Variants in NRXN3 observed in about 807,000 individuals in gnomAD.
NRXN3 encodes the protein neurexin 3.
A neutral mutation model predicts 137.6 loss-of-function variants in NRXN3; 32 were observed. That is an observed-to-expected ratio of 0.23 (90% confidence interval 0.18 to 0.31). NRXN3 has a LOEUF of 0.31. NRXN3 is among the 10% of genes least tolerant of loss of function. The pLI, the probability that NRXN3 is intolerant of heterozygous loss-of-function variation, is 1.00. For missense variants in NRXN3, 1,574 were observed against 2,062.5 expected (o/e 0.76, Z 4.59); for synonymous variants, 798 against 784.5 (o/e 1.02, Z -0.29).
rs949286649 is a variant in NRXN3, at chr14:79,347,508, G to A, written c.3263-119713G>A. On this transcript the variant is annotated intron_variant, in intron 15 of 20. Coordinates refer to ENST00000335750, the MANE Select transcript of NRXN3 (RefSeq NM_001330195.2). ...GTGATCTCGGCTCACTACTACCTCC[G>A]CCTCCTGGGTTCAAGCGATTCTCCT... Among the ~76,000 whole-genome samples the A allele has an allele frequency of 7.5e-5, 10 of 133,708 alleles. No homozygotes were observed. In the South Asian group the frequency reaches 1.4e-3, roughly 18 times the overall value. The allele number at this position is 133,708 out of a possible 152,430, so 87.7% of individuals were successfully genotyped here.
Position 78,784,179 on chromosome 14 carries a change from G to A in NRXN3, c.2045-19441G>A, listed in dbSNP as rs1261828373. Reference sequence around the variant, plus strand: ...TGCTCAGGGAGATAGGGGAATTGGGGAATACCTTTCTGAGAAGATGATAGT... The same window carrying A: ...TGCTCAGGGAGATAGGGGAATTGGGAAATACCTTTCTGAGAAGATGATAGT... On this transcript the variant is annotated intron_variant, in intron 8 of 20. Transcript: ENST00000335750. Among the ~76,000 whole-genome samples, 3 of 152,090 alleles carry A rather than the reference G, an allele frequency of 2.0e-5. No homozygotes were observed. In the South Asian group the frequency reaches 6.2e-4, roughly 32 times the overall value.
At chr14:78,303,755 C>T (rs747522939) in intron 4 of NRXN3, among the ~76,000 whole-genome samples, 8 of 152,228 alleles carry the variant, frequency 5.3e-5, no homozygotes, top group Non-Finnish European at 1.2e-4. Flanking sequence ...CATGCTTCTC[C>T]CTCTTATCCT....
chr14:78,712,656 G>A (rs1356683276), intron 7 of NRXN3, among the ~76,000 whole-genome samples: 2 of 152,120 alleles, frequency 1.3e-5, no homozygotes, highest in African/African-American at 2.4e-5. Flanking sequence ...CCCACCTCCC[G>A]GGTCCAAGGA....
intron 15 of NRXN3, among the ~76,000 whole-genome samples, chr14:79,240,399 T>C (rs2074088709): frequency 6.6e-6 from 1 of 152,120 alleles, no homozygotes; most frequent in Non-Finnish European, 1.5e-5. Context: ...CGCTCACTAA[T>C]TCACCCTGGA....
intron 4 of NRXN3, among the ~76,000 whole-genome samples, chr14:78,429,058 T>G (rs890452139): frequency 6.6e-6 from 1 of 151,842 alleles, no homozygotes; most frequent in Non-Finnish European, 1.5e-5. Context: ...AACCCCAACC[T>G]CAGACCAATA....
chr14:79,376,337 A>G (rs942763118), intron 15 of NRXN3, among the ~76,000 whole-genome samples: 2 of 148,002 alleles, frequency 1.4e-5, no homozygotes, highest in African/African-American at 5.0e-5. Flanking sequence ...TTACCTCCCC[A>G]ATGTATATAT....
intron 15 of NRXN3, among the ~76,000 whole-genome samples, chr14:79,071,800 A>T (rs73322871): frequency 6.6e-6 from 1 of 152,254 alleles, no homozygotes; most frequent in African/African-American, 2.4e-5. Context: ...TTCATTGCAC[A>T]TGTCAAAATA....
At chr14:79,666,670 A>G (rs922135518) in intron 17 of NRXN3, among the ~76,000 whole-genome samples, 8 of 152,080 alleles carry the variant, frequency 5.3e-5, no homozygotes, top group Non-Finnish European at 8.8e-5. Flanking sequence ...GCATAGCTAG[A>G]AATGAGTATT....
intron 19 of NRXN3, among the ~76,000 whole-genome samples, chr14:79,765,973 G>C (rs2099054711): frequency 6.6e-6 from 1 of 152,088 alleles, no homozygotes; most frequent in African/African-American, 2.4e-5. Flanking sequence ...GATGTTTCCA[G>C]TATAAAGTAG....
At chr14:79,616,288 GA>G (rs559411711) in intron 16 of NRXN3, among the ~76,000 whole-genome samples, 5 of 152,248 alleles carry the variant, frequency 3.3e-5, no homozygotes, top group African/African-American at 1.2e-4. Context: ...CTGGAGTGAA[GA>G]AGAGAGGATA....
intron 15 of NRXN3, among the ~76,000 whole-genome samples, chr14:79,347,255 T>A (rs1033589298): frequency 2.0e-5 from 3 of 152,270 alleles, no homozygotes; most frequent in Admixed American, 6.5e-5. Flanking sequence ...GAGAAATTTT[T>A]AAAAATTAAA....
chr14:78,650,869 G>T (rs1448450489), intron 5 of NRXN3, among the ~76,000 whole-genome samples: 6 of 152,048 alleles, frequency 3.9e-5, no homozygotes, highest in Non-Finnish European at 2.9e-5. Context: ...TCTGAGGATG[G>T]TTCCATTTTC....
At chr14:78,426,726 G>A (rs2093679577) in intron 4 of NRXN3, among the ~76,000 whole-genome samples, 1 of 152,086 alleles carries the variant, frequency 6.6e-6, no homozygotes, top group Non-Finnish European at 1.5e-5. Context: ...CCCTTCCTCT[G>A]GGCACCTCTC....
At chr14:78,869,184 G>T (rs2099095216) in intron 10 of NRXN3, among the ~76,000 whole-genome samples, 1 of 152,086 alleles carries the variant, frequency 6.6e-6, no homozygotes, top group Admixed American at 6.6e-5. Context: ...ATTTTTCTTG[G>T]CATTTTCTTC....
intron 19 of NRXN3, among the ~76,000 whole-genome samples, chr14:79,783,788 A>C (rs908106439): frequency 6.6e-6 from 1 of 152,222 alleles, no homozygotes; most frequent in Non-Finnish European, 1.5e-5. Context: ...ATTAAGCCTT[A>C]GCACTCATTT....
rs56194422 is a variant in NRXN3 at position 79,200,828 on chromosome 14, A to AT, written c.3262+212715dup. Among the ~76,000 whole-genome samples the AT allele has an allele frequency of 5.6e-3, 332 of 59,090 alleles. 27 individuals are homozygous for AT. Among genetic ancestry groups the AT allele is most frequent in the Non-Finnish European group, 7.2e-3 (231 of 32,218 alleles). 38.8% of individuals were successfully genotyped at this position (59,090 alleles called of 152,430 possible). On this transcript the variant is annotated intron_variant, in intron 15 of 20. Transcript: ENST00000335750. ...TCCCTATTGCTCTCCTGTGAGCTGT[A>AT]TTTTTTTTTTTTTTTTTTTTTTTTT...
chr14:78,960,907 G>A (rs1026013363), intron 11 of NRXN3, among the ~76,000 whole-genome samples: 23 of 152,080 alleles, frequency 1.5e-4, no homozygotes, highest in Non-Finnish European at 2.8e-4. Context: ...TGAGGAGTGT[G>A]CGGTCAAACA....
chr14:79,347,508 G>T (rs949286649), intron 15 of NRXN3, among the ~76,000 whole-genome samples: 2 of 133,710 alleles, frequency 1.5e-5, no homozygotes, highest in Admixed American at 1.6e-4. Context: ...TACTACCTCC[G>T]CCTCCTGGGT....
intron 1 of NRXN3, among the ~76,000 whole-genome samples, chr14:78,217,515 C>T (rs1307380326): frequency 6.6e-6 from 1 of 152,080 alleles, no homozygotes; most frequent in Non-Finnish European, 1.5e-5. Flanking sequence ...GGTTGAGAAA[C>T]TCTATTTTAA....
Sources: gnomAD v4.1 joint callset for allele counts (sites outside exome capture counted in the v4.1 genomes callset) on GRCh38, gnomAD v4.1.1 for gene constraint, MANE v1.5 for transcripts, NCBI Gene and HGNC (gene_info 2026-07-23, HGNC 2026-07-21) for gene names.